Variants in TSPAN4 observed in about 807,000 individuals in gnomAD.
TSPAN4 encodes tetraspanin 4.
Under a neutral mutation model 31.5 loss-of-function variants are expected in TSPAN4, and 38 were observed. The observed-to-expected ratio is 1.21, with a 90% CI of 0.93 to 1.58. The LOEUF is 1.58. TSPAN4 is among the 40% of genes most tolerant of loss of function. The pLI, the probability that TSPAN4 is intolerant of heterozygous loss-of-function variation, is 0.00. For synonymous variants in TSPAN4, 186 were observed against 144.6 expected (o/e 1.29, Z -2.06); for missense variants, 330 against 317.3 (o/e 1.04, Z -0.30).
At chr11:859,011 C>T (rs1464306425) in intron 3 of TSPAN4, among the ~76,000 whole-genome samples, 39 of 129,954 alleles carry the variant, frequency 3.0e-4, no homozygotes, top group Non-Finnish European at 5.3e-4. Context: ...CACGCATCCC[C>T]GCTCACATGC....
At chr11:863,948 C>T (rs571504475) in intron 4 of TSPAN4, 57 of 162,418 alleles carry the variant, frequency 3.5e-4, no homozygotes, top group African/African-American at 1.2e-3. Context: ...GCATCAGCCA[C>T]GCTGGCTGCC....
chr11:862,282 G>A, intron 3 of TSPAN4: 2 of 512,540 alleles, frequency 3.9e-6, no homozygotes, highest in Non-Finnish European at 6.9e-6. Flanking sequence ...CTCCTAGAGG[G>A]AGTGGTTCAG....
chr11:846,092 G>A (rs946087678), intron 1 of TSPAN4, among the ~76,000 whole-genome samples: 3 of 151,956 alleles, frequency 2.0e-5, no homozygotes, highest in Non-Finnish European at 4.4e-5. Flanking sequence ...CTCAGAGCCC[G>A]TGGGCCTGGG....
intron 1 of TSPAN4, chr11:843,966 C>G (rs1847135519): frequency 1.3e-5 from 2 of 152,488 alleles, no homozygotes; most frequent in South Asian, 2.1e-4. Flanking sequence ...CGCTCCCACC[C>G]TGGCCAGGGC....
chr11:846,924 A>T (rs1847354211), intron 1 of TSPAN4, among the ~76,000 whole-genome samples: 1 of 152,050 alleles, frequency 6.6e-6, no homozygotes, highest in African/African-American at 2.4e-5. Context: ...TGTCTCTGTG[A>T]GTGTGAGTCT....
At position 866,857 on chromosome 11, in the gene TSPAN4, A is replaced by C; in HGVS notation, c.*227A>C. The C allele has an allele frequency of 1.2e-5, 6 of 519,960 alleles. No individual in the cohort carries two copies. Among genetic ancestry groups the C allele is most frequent in the Non-Finnish European group, 2.0e-5 (6 of 293,116 alleles). 32.2% of individuals were successfully genotyped at this position (519,960 alleles called of 1,614,324 possible). A position where few individuals can be genotyped will look rare whatever the true frequency, so the allele number is the denominator to read the frequency against. On this transcript the variant is annotated 3_prime_UTR_variant, in exon 9 of 9. Coordinates refer to ENST00000397397, the MANE Select transcript of TSPAN4 (RefSeq NM_003271.5). ...AGGGGTGGCCACGTGCTGGCTGCGG[A>C]ACCCAGGGCAGGGGTGGGAGGGGCC...
chr11:851,729 G>GA (rs1437858679), intron 3 of TSPAN4, among the ~76,000 whole-genome samples: 1 of 152,080 alleles, frequency 6.6e-6, no homozygotes, highest in Non-Finnish European at 1.5e-5. Flanking sequence ...TGGGTGTGGG[G>GA]GGTGGGCTGC....
chr11:862,484 C>T lies in TSPAN4; in HGVS notation c.64-66C>T. 2.8e-6 allele frequency: 4 copies of T among 1,427,148 alleles called. No homozygotes were observed. In the South Asian group the frequency reaches 5.3e-5, roughly 19 times the overall value. 88.4% of individuals were successfully genotyped at this position (1,427,148 alleles called of 1,614,324 possible). On this transcript the variant is annotated intron_variant, in intron 3 of 8. Transcript: ENST00000397397. Reference sequence around the variant, plus strand: ...CTTTGGGCTTGTGGGCCGGGCTCTGCCCTGGGGTCCAGAGCTTGCATTGGG... The same window carrying T: ...CTTTGGGCTTGTGGGCCGGGCTCTGTCCTGGGGTCCAGAGCTTGCATTGGG...
intron 2 of TSPAN4, 130 bp from the exon 3 acceptor site, chr11:850,158 G>C (rs1446104712): frequency 2.9e-6 from 2 of 682,552 alleles, no homozygotes; most frequent in Non-Finnish European, 2.4e-6. Context: ...GGGCGGCGGG[G>C]ACGCCGGGGG....
At chr11:854,704 T>C (rs1422713135) in intron 3 of TSPAN4, among the ~76,000 whole-genome samples, 1 of 148,156 alleles carries the variant, frequency 6.7e-6, no homozygotes, top group African/African-American at 2.5e-5. Context: ...AGGCCTCTGC[T>C]CTAAGATCAG....
intron 2 of TSPAN4, among the ~76,000 whole-genome samples, chr11:847,584 C>T (rs554031709): frequency 6.6e-6 from 1 of 152,040 alleles, no homozygotes; most frequent in Non-Finnish European, 1.5e-5. Context: ...AACTTGGCAA[C>T]AGAAGCAAGC....
chr11:846,093 T>C (rs759717209), intron 1 of TSPAN4, among the ~76,000 whole-genome samples: 2 of 152,006 alleles, frequency 1.3e-5, no homozygotes, highest in Non-Finnish European at 2.9e-5. Flanking sequence ...TCAGAGCCCG[T>C]GGGCCTGGGG....
At chr11:857,077 G>A (rs1848092003) in intron 3 of TSPAN4, 1 of 152,236 alleles carries the variant, frequency 6.6e-6, no homozygotes, top group African/African-American at 2.4e-5. Context: ...AGCCCGTCTG[G>A]TGACAGTGGG....
At chr11:845,300 C>T (rs192593591) in intron 1 of TSPAN4, among the ~76,000 whole-genome samples, 1 of 152,310 alleles carries the variant, frequency 6.6e-6, no homozygotes, top group Non-Finnish European at 1.5e-5. Context: ...ACAGCCAAGG[C>T]CACTGCCCAC....
chr11:854,842 G>T (rs772621291), intron 3 of TSPAN4, among the ~76,000 whole-genome samples: 20 of 152,232 alleles, frequency 1.3e-4, no homozygotes, highest in Non-Finnish European at 2.1e-4. Flanking sequence ...GCAGCACAGT[G>T]TCCCCAAGGG....
chr11:852,754 T>C (rs1478539384), intron 3 of TSPAN4, among the ~76,000 whole-genome samples: 2 of 152,216 alleles, frequency 1.3e-5, no homozygotes, highest in Non-Finnish European at 2.9e-5. Context: ...GCCCACTCCA[T>C]TTCCTACTCG....
chr11:864,844 A>G (rs924984051), intron 5 of TSPAN4: 2 of 405,424 alleles, frequency 4.9e-6, no homozygotes, highest in Non-Finnish European at 9.1e-6. Flanking sequence ...TCCTCTGTAG[A>G]GCGGCCTCTT....
intron 2 of TSPAN4, 91 bp downstream of exon 2, chr11:847,391 A>G (rs1057497498): frequency 6.6e-6 from 1 of 152,188 alleles, no homozygotes; most frequent in Admixed American, 6.5e-5. Flanking sequence ...GGGCCTTGCC[A>G]GCGGACACTT....
rs773216467 is a variant in TSPAN4, at chr11:848,760, T to C, written c.-18+1460T>C. ...CAGGAATCTGGGCCACGTGCTGATA[T>C]CTTCCCAACACCGCAGGGCCCTTGT... On this transcript the variant is annotated intron_variant, in intron 2 of 8. Transcript: ENST00000397397. This position sits in a 1 kb window ranked among gnomAD's most constrained non-coding sequence, Gnocchi z 5.7. The C allele has an allele frequency of 7.7e-6, 4 of 517,326 alleles. No homozygotes were observed. Among genetic ancestry groups the C allele is most frequent in the Non-Finnish European group, 1.4e-5 (4 of 286,856 alleles). 32.0% of individuals were successfully genotyped at this position (517,326 alleles called of 1,614,324 possible).
Sources: allele counts gnomAD v4.1 joint callset (sites outside exome capture counted in the v4.1 genomes callset), GRCh38; gene constraint gnomAD v4.1.1; non-coding constraint Gnocchi (gnomAD v3.1); transcripts MANE v1.5; gene names NCBI Gene and HGNC (gene_info 2026-07-23, HGNC 2026-07-21).